PRDM10: variants seen among roughly 807,000 people sequenced by gnomAD.
PRDM10 encodes PR domain zinc finger protein 10.
A neutral mutation model predicts 133.1 loss-of-function variants in PRDM10; 65 were observed. The observed-to-expected ratio is 0.49, with a 90% CI of 0.40 to 0.60. The LOEUF (loss-of-function observed/expected upper bound fraction) is 0.60. Among genes scored for constraint, PRDM10 ranks in the 20% least tolerant of loss-of-function variants. The pLI, the probability that PRDM10 is intolerant of heterozygous loss-of-function variation, is 0.00. For synonymous variants in PRDM10, 582 were observed against 580.4 expected (o/e 1.00, Z -0.04); for missense variants, 1,137 against 1,507.1 (o/e 0.75, Z 4.07).
In PRDM10 at chr11:129,900,344, AAAGAAG is replaced by A. The variant is rs57861880; in HGVS notation, c.*1963_*1968del. 2,791 of 151,242 alleles carry A rather than the reference AAAGAAG, an allele frequency of 0.018. 40 individuals are homozygous for A. Among genetic ancestry groups the A allele is most frequent in the African/African-American group, 0.024 (981 of 41,066 alleles). 9.4% of individuals were successfully genotyped at this position (151,242 alleles called of 1,614,324 possible). On this transcript the variant is annotated 3_prime_UTR_variant, in exon 21 of 21. Transcript: ENST00000360871. ...AGAGTCTTTATTTCACTTAAGGACC[AAAGAAG>A]AAGAAGAAGAAGAAGAAGAAGAAGA...
chr11:129,942,602 C>T lies in PRDM10; in HGVS notation c.790G>A (p.Glu264Lys). The change falls in exon 7 of 21, where the codon GAA becomes AAA. Residue 264 changes from glutamate (E) to lysine (K), a missense_variant. By Grantham distance (56) the Glu-to-Lys change is moderately conservative. Around this residue, in one of 6 missense-constraint regions of PRDM10, gnomAD observed 635 missense variants for 835.2 expected, o/e 0.76. Transcript: ENST00000360871. ...KVSLDKGDRKERDLHEDLWFE... is the reference protein window; with the variant it reads ...KVSLDKGDRKKRDLHEDLWFE... ...CATAGGTCTTCATGTAAATCCCTTT[C>T]TTTCCTGTCCCCTTTATCAAGAGAA... 6.2e-7 allele frequency: 1 copy of T among 1,613,930 alleles called. No individual in the cohort carries two copies. Among genetic ancestry groups the T allele is most frequent in the Non-Finnish European group, 8.5e-7 (1 of 1,179,934 alleles).
intron 19 of PRDM10, among the ~76,000 whole-genome samples, chr11:129,908,729 G>A (rs1341141278): frequency 6.6e-6 from 1 of 151,982 alleles, no homozygotes; most frequent in Non-Finnish European, 1.5e-5. Context: ...TAGAATGCTA[G>A]TTCATCCTAT....
intron 7 of PRDM10, 23 bp from the exon 8 acceptor site, chr11:129,937,693 C>T: frequency 6.2e-7 from 1 of 1,603,456 alleles, no homozygotes; most frequent in Non-Finnish European, 8.5e-7. Flanking sequence ...AGTATATCAT[C>T]AAGAACTGGG....
At chr11:129,956,278 A>G (rs1246772917) in intron 3 of PRDM10, among the ~76,000 whole-genome samples, 1 of 152,220 alleles carries the variant, frequency 6.6e-6, no homozygotes, top group East Asian at 1.9e-4. Flanking sequence ...TAAAGTTTTT[A>G]AAAATCTGGC....
intron 7 of PRDM10, 47 bp downstream of exon 7, chr11:129,942,379 A>G (rs1951238748): frequency 6.4e-7 from 1 of 1,567,558 alleles, no homozygotes; most frequent in Middle Eastern, 2.0e-4. Flanking sequence ...AGCCCTAAAC[A>G]ATCACTCTTG....
chr11:129,973,446 G>C (rs900718171), intron 1 of PRDM10, among the ~76,000 whole-genome samples: 2 of 152,128 alleles, frequency 1.3e-5, no homozygotes, highest in Non-Finnish European at 2.9e-5. Flanking sequence ...ACTTAGATAT[G>C]AATTAAATTC....
At chr11:129,994,493 CTGG>C (rs1334714669) in intron 1 of PRDM10, among the ~76,000 whole-genome samples, 100 of 146,318 alleles carry the variant, frequency 6.8e-4, no homozygotes, top group African/African-American at 2.4e-3. Context: ...AGAAACGAAA[CTGG>C]TGGTGGTGGT....
At chr11:129,925,634 G>A (rs773497281) in intron 11 of PRDM10, among the ~76,000 whole-genome samples, 21 of 152,198 alleles carry the variant, frequency 1.4e-4, no homozygotes, top group African/African-American at 1.2e-4. Flanking sequence ...GAGCAAGTCA[G>A]TCAAATGTTA....
chr11:129,920,948 C>T lies in PRDM10; in HGVS notation c.2035-2230G>A, dbSNP rs1202452873. 5.3e-5 allele frequency among the ~76,000 whole-genome samples: 8 copies of T among 152,212 alleles called. No individual in the cohort carries two copies. In the East Asian group the frequency reaches 1.2e-3, roughly 22 times the overall value. On this transcript the variant is annotated intron_variant, in intron 13 of 20. Coordinates refer to ENST00000360871, the MANE Select transcript of PRDM10 (RefSeq NM_199437.2). ...GAGTAGCTGGGATAACAGTCATGCACCACCACGCCTGGCTACTTTTATATT... is the reference window on the plus strand; with the variant it reads ...GAGTAGCTGGGATAACAGTCATGCATCACCACGCCTGGCTACTTTTATATT...
rs1565464217 is a variant in PRDM10, at chr11:129,923,689, A to AGAGAGAGAGG, written c.1879-287_1879-286insCCTCTCTCTC. Among the ~76,000 whole-genome samples, 1 of 144,770 alleles carries AGAGAGAGAGG rather than the reference A, an allele frequency of 6.9e-6. No homozygotes were observed. Among genetic ancestry groups the AGAGAGAGAGG allele is most frequent in the African/African-American group, 2.6e-5 (1 of 37,924 alleles). 95.0% of individuals were successfully genotyped at this position (144,770 alleles called of 152,430 possible). ...GAGAGAGAGAGAGAGAGAGAGAGAG[A>AGAGAGAGAGG]GAGAGTGCTTGCTTGGTCAAAGCCC... On this transcript the variant is annotated intron_variant, in intron 12 of 20. Transcript: ENST00000360871. This position sits in a 1 kb window ranked among gnomAD's most constrained non-coding sequence, Gnocchi z 4.4.
chr11:129,978,153 T>TA (rs1937892913), intron 1 of PRDM10, among the ~76,000 whole-genome samples: 1 of 151,944 alleles, frequency 6.6e-6, no homozygotes, highest in African/African-American at 2.4e-5. Context: ...AAGATAAAGA[T>TA]AAAAGAAATG....
rs532626626 is a variant in PRDM10, at chr11:129,912,351, A to T, written c.2842-126T>A. 16 of 1,089,764 alleles carry T rather than the reference A, an allele frequency of 1.5e-5. No homozygotes were observed. The African/African-American group carries it at 1.8e-4, about 12-fold the overall frequency. 67.5% of individuals were successfully genotyped at this position (1,089,764 alleles called of 1,614,324 possible). ...CGGGTGCAGTGGCTCATGCCTATAA[A>T]CCCAGCAGTTTGGGAGGCCAAAGCG... On this transcript the variant is annotated intron_variant, in intron 17 of 20. Coordinates refer to ENST00000360871, the MANE Select transcript of PRDM10 (RefSeq NM_199437.2).
intron 12 of PRDM10, among the ~76,000 whole-genome samples, chr11:129,924,520 G>A (rs536383351): frequency 1.1e-3 from 164 of 152,322 alleles, no homozygotes; most frequent in African/African-American, 3.7e-3. Context: ...AACCACAGTA[G>A]TAGTAGGGAG....
chr11:129,931,756 G>T (rs1288534182), intron 10 of PRDM10, among the ~76,000 whole-genome samples: 1 of 151,798 alleles, frequency 6.6e-6, no homozygotes, highest in Non-Finnish European at 1.5e-5. Context: ...TTTTAGTAGA[G>T]ACGGGGTTTC....
At chr11:129,990,369 A>G (rs559456269) in intron 1 of PRDM10, among the ~76,000 whole-genome samples, 22 of 150,480 alleles carry the variant, frequency 1.5e-4, no homozygotes, top group African/African-American at 5.1e-4. Flanking sequence ...AAAAATTCCA[A>G]AAATAAGCCG....
intron 1 of PRDM10, among the ~76,000 whole-genome samples, chr11:129,989,027 T>A (rs751489562): frequency 4.6e-5 from 7 of 152,204 alleles, no homozygotes; most frequent in Non-Finnish European, 1.0e-4. Context: ...CAAACAGTAG[T>A]AAGGATGGGG....
At chr11:129,904,895 G>T (rs1229924713) in intron 20 of PRDM10, among the ~76,000 whole-genome samples, 1 of 152,208 alleles carries the variant, frequency 6.6e-6, no homozygotes, top group South Asian at 2.1e-4. Flanking sequence ...ACAGAAGAAG[G>T]AGATACAATC....
chr11:129,993,988 CCTT>C (rs1232431217), intron 1 of PRDM10, among the ~76,000 whole-genome samples: 2 of 152,124 alleles, frequency 1.3e-5, no homozygotes, highest in Admixed American at 1.3e-4. Context: ...ATCTTCCACT[CCTT>C]GAGCCACTGT....
At position 129,942,530 on chromosome 11, in the gene PRDM10, G is replaced by A. The variant is rs1484550829; in HGVS notation, c.862C>T (p.Arg288Trp). 1.2e-6 allele frequency: 2 copies of A among 1,613,114 alleles called. No individual in the cohort carries two copies. Among genetic ancestry groups the A allele is most frequent in the Non-Finnish European group, 8.5e-7 (1 of 1,179,626 alleles). The change falls in exon 7 of 21, where the codon CGG (arginine) becomes TGG (tryptophan). Residue 288 changes from arginine (R) to tryptophan (W), a missense_variant. This residue lies in a region of PRDM10 where 635 missense variants were observed against 835.2 expected (regional missense o/e 0.76). Coordinates refer to ENST00000360871, the MANE Select transcript of PRDM10 (RefSeq NM_199437.2). ...TGCTCCAGGTGATTCTGGGCTGGCC[G>A]TACAAACATCATCCAGTTACAAAGC... ...ETLCNWMMFV[R>W]PAQNHLEQNL...
Sources: gnomAD v4.1 joint callset for allele counts (sites outside exome capture counted in the v4.1 genomes callset) on GRCh38, gnomAD v4.1.1 for gene constraint, gnomAD v4.1.1 regional missense constraint, Gnocchi (gnomAD v3.1) non-coding constraint, MANE v1.5 for transcripts, NCBI Gene and HGNC (gene_info 2026-07-23, HGNC 2026-07-21) for gene names.